C12orf54: variants seen among roughly 807,000 people sequenced by gnomAD.
C12orf54 encodes the protein chromosome 12 open reading frame 54, also known as uncharacterized protein C12orf54.
In C12orf54, 24 loss-of-function variants were observed where a neutral mutation model predicts 26.4. The ratio of observed to expected loss-of-function variants is 0.91; its 90% CI spans 0.66 to 1.28. C12orf54 has a LOEUF of 1.28. Ranked by LOEUF, C12orf54 falls within the 50% of genes most tolerant of loss-of-function variation. The probability of loss-of-function intolerance (pLI) is 0.00; values close to 1 mark genes in which losing one functional copy is unlikely to be tolerated. For missense variants in C12orf54, 154 were observed against 150.9 expected (o/e 1.02, Z -0.11); for synonymous variants, 54 against 47.0 (o/e 1.15, Z -0.61).
the C12orf54 span, among the ~76,000 whole-genome samples, chr12:48,466,853 A>G: frequency 6.6e-6 from 1 of 152,194 alleles, no homozygotes; most frequent in Non-Finnish European, 1.5e-5. Context: ...GAAACAAAGC[A>G]TATATCCATA....
the C12orf54 span, among the ~76,000 whole-genome samples, chr12:48,416,683 G>T: frequency 6.6e-6 from 1 of 152,054 alleles, no homozygotes. Context: ...CCAACATGGT[G>T]AAACCCCATT....
At chr12:48,483,403 T>C in intron 2 of C12orf54, 42 bp downstream of exon 2, 1 of 1,585,452 alleles carries the variant, frequency 6.3e-7, no homozygotes, top group South Asian at 1.1e-5. Flanking sequence ...CTTAGATTGC[T>C]ATACTCTATG....
At chr12:48,477,108 A>C in the C12orf54 span, among the ~76,000 whole-genome samples, 1 of 152,208 alleles carries the variant, frequency 6.6e-6, no homozygotes, top group Non-Finnish European at 1.5e-5. Flanking sequence ...AAAACCACTC[A>C]ACTACATGGA....
chr12:48,474,584 G>A, the C12orf54 span, among the ~76,000 whole-genome samples: 1 of 152,216 alleles, frequency 6.6e-6, no homozygotes, highest in East Asian at 1.9e-4. Context: ...AAGCACACCA[G>A]GAGATTATAT....
At chr12:48,447,212 CTG>C in the C12orf54 span, among the ~76,000 whole-genome samples, 2,024 of 90,982 alleles carry the variant, frequency 0.022, 47 homozygotes, top group African/African-American at 0.051. Flanking sequence ...CTCTCTTACT[CTG>C]TGTGTGTGTG....
At chr12:48,466,426 T>C in the C12orf54 span, among the ~76,000 whole-genome samples, 27 of 151,960 alleles carry the variant, frequency 1.8e-4, 1 homozygote, top group South Asian at 4.2e-4. Context: ...GCACCTGTAA[T>C]CCCAGCTACT....
At chr12:48,417,434 A>G in the C12orf54 span, 1 of 152,266 alleles carries the variant, frequency 6.6e-6, no homozygotes, top group South Asian at 2.1e-4. Context: ...TCTGCACAGT[A>G]TTTCTTGACC....
chr12:48,473,755 T>C, the C12orf54 span: 90,836 of 168,614 alleles, frequency 0.54, 26,589 homozygotes, highest in East Asian at 0.82. Context: ...CCTGGTATTT[T>C]CCAAGTCTCA....
At chr12:48,434,161 A>T in the C12orf54 span, among the ~76,000 whole-genome samples, 1 of 152,168 alleles carries the variant, frequency 6.6e-6, no homozygotes, top group East Asian at 1.9e-4. Flanking sequence ...AGCCTCGCTC[A>T]TTGCGAGCAC....
the C12orf54 span, among the ~76,000 whole-genome samples, chr12:48,464,409 C>T: frequency 6.6e-6 from 1 of 151,926 alleles, no homozygotes. Flanking sequence ...AAATACTGCT[C>T]AAAGAAATCA....
chr12:48,454,256 T>C, the C12orf54 span, among the ~76,000 whole-genome samples: 1 of 151,820 alleles, frequency 6.6e-6, no homozygotes, highest in East Asian at 1.9e-4. Context: ...CACCACCACA[T>C]CCAGTTAATT....
At chr12:48,457,278 T>G in the C12orf54 span, among the ~76,000 whole-genome samples, 1 of 140,572 alleles carries the variant, frequency 7.1e-6, no homozygotes, top group Non-Finnish European at 1.6e-5. Flanking sequence ...TTTTTTGTTG[T>G]TGTTGTTGGT....
At chr12:48,488,345 T>C in intron 4 of C12orf54, 1 of 517,736 alleles carries the variant, frequency 1.9e-6, no homozygotes, top group South Asian at 1.7e-5. Context: ...CTGTGCCCCC[T>C]GGTGCCGACA....
At chr12:48,466,270 G>A in the C12orf54 span, among the ~76,000 whole-genome samples, 3 of 152,272 alleles carry the variant, frequency 2.0e-5, no homozygotes, top group Admixed American at 1.3e-4. Context: ...GGGACTGGAC[G>A]TGGTGGCTCA....
At chr12:48,487,940 G>A (rs947629177) in intron 4 of C12orf54, 21 of 665,242 alleles carry the variant, frequency 3.2e-5, no homozygotes, top group Admixed American at 2.4e-4. Context: ...TCCTATAGCC[G>A]CTGAGATGTT....
rs751077995 is a variant in C12orf54, at chr12:48,494,976, C to T, written c.*37C>T. The T allele has an allele frequency of 6.2e-7, 1 of 1,601,668 alleles. No individual in the cohort carries two copies. The highest frequency in any genetic ancestry group is 2.2e-5 in the East Asian group (1 of 44,820). On this transcript the variant is annotated 3_prime_UTR_variant, in exon 8 of 9. Transcript: ENST00000548364. ...AGGAAGAAGGACATCTCTGCTTCCGCCAGGTGCTTTACCCAAGCAGCCTTT... is the reference window on the plus strand; with the variant it reads ...AGGAAGAAGGACATCTCTGCTTCCGTCAGGTGCTTTACCCAAGCAGCCTTT...
intron 2 of C12orf54, among the ~76,000 whole-genome samples, chr12:48,483,862 C>A (rs1402899925): frequency 2.6e-5 from 4 of 152,158 alleles, no homozygotes; most frequent in Non-Finnish European, 4.4e-5. Context: ...TTGGCTTGAG[C>A]CTTTGAACTT....
the C12orf54 span, among the ~76,000 whole-genome samples, chr12:48,476,313 C>G: frequency 5.3e-5 from 8 of 151,958 alleles, no homozygotes; most frequent in Admixed American, 2.0e-4. Flanking sequence ...AAAGACCATC[C>G]AGGCTAGGAA....
the C12orf54 span, among the ~76,000 whole-genome samples, chr12:48,439,134 A>G: frequency 1.3e-5 from 2 of 152,172 alleles, no homozygotes; most frequent in Non-Finnish European, 2.9e-5. Flanking sequence ...GCAGCCAAAA[A>G]ACACATGAAA....
Sources: allele counts gnomAD v4.1 joint callset (sites outside exome capture counted in the v4.1 genomes callset), GRCh38; gene constraint gnomAD v4.1.1; transcripts MANE v1.5; gene names NCBI Gene and HGNC (gene_info 2026-07-23, HGNC 2026-07-21).